Variants in LMO2 observed in about 807,000 individuals in gnomAD.
The protein encoded by LMO2 is rhombotin-2.
A neutral mutation model predicts 23.2 loss-of-function variants in LMO2; 20 were observed. The observed-to-expected ratio is 0.86, with a 90% CI of 0.61 to 1.25. The LOEUF is 1.25. Among genes scored for constraint, LMO2 ranks in the 50% most tolerant of loss-of-function variants. LMO2 has a pLI of 0.00. For synonymous variants in LMO2, 123 were observed against 130.2 expected, an observed-to-expected ratio of 0.94 and a Z score of 0.38; for missense variants, 270 against 315.3, an observed-to-expected ratio of 0.86 and a Z score of 1.09.
chr11:33,879,267 G>A (rs1241899952), intron 2 of LMO2, among the ~76,000 whole-genome samples: 1 of 152,002 alleles, frequency 6.6e-6, no homozygotes, highest in Admixed American at 6.6e-5. Flanking sequence ...GAGTGAAAGG[G>A]CAACCCACAG....
Position 33,858,663 on chromosome 11 carries a change from T to G in LMO2, c.*693A>C, listed in dbSNP as rs536076501. On this transcript the variant is annotated 3_prime_UTR_variant, in exon 6 of 6. Transcript: ENST00000257818. ...TTTGATATAATCTAGGATAATAAAATAGTTGAACAACTTTTTAAGATTTAT... is the reference window on the plus strand; with the variant it reads ...TTTGATATAATCTAGGATAATAAAAGAGTTGAACAACTTTTTAAGATTTAT... 4.3e-5 allele frequency: 8 copies of G among 187,914 alleles called. No individual in the cohort carries two copies. The East Asian group carries it at 6.9e-4, about 16-fold the overall frequency. The allele number at this position is 187,914 out of a possible 1,614,324, so 11.6% of individuals were successfully genotyped here.
rs1397801148 is a variant in LMO2, at chr11:33,869,608, A to C, written c.8-22T>G. The C allele has an allele frequency of 4.8e-5, 61 of 1,272,404 alleles. 1 individual carries two copies. The highest frequency in any genetic ancestry group is 2.6e-4 in the Admixed American group (6 of 23,190). 78.8% of individuals were successfully genotyped at this position (1,272,404 alleles called of 1,614,324 possible). The stretch of plus-strand genomic sequence containing the variant: ...CTCCCTTCAAACGCCAAAGAGAGAG[A>C]GCGAATCACCGGGCTGCGGGCGCGC... On this transcript the variant is annotated intron_variant, in intron 3 of 5. Coordinates refer to ENST00000257818, the MANE Select transcript of LMO2 (RefSeq NM_005574.4).
chr11:33,866,299 TCTTTGGAACAAGAAAATGGGAAG>T (rs1375784478), intron 4 of LMO2, among the ~76,000 whole-genome samples: 2 of 152,178 alleles, frequency 1.3e-5, no homozygotes, highest in African/African-American at 4.8e-5. Context: ...GAGACTATCA[TCTTTGGAACAAGAAAATGGGAAG>T]CTCAAGTTAG....
chr11:33,864,756 G>C lies in LMO2; in HGVS notation c.310C>G (p.Gln104Glu). The change falls in exon 5 of 6, where the codon CAG (glutamine) becomes GAG (glutamate). Residue 104 changes from glutamine to glutamate, a missense_variant. Physicochemically the swap from Gln to Glu is conservative, Grantham distance 29. Around this residue, in one of 2 missense-constraint regions of LMO2, gnomAD observed 170 missense variants for 162.0 expected, o/e 1.05. Transcript: ENST00000257818. This position sits in a 1 kb window ranked among gnomAD's most constrained non-coding sequence, Gnocchi z 4.8. ...PSLLTCGGCQ[Q>E]NIGDRYFLKA... ...AGGAAGTAGCGGTCCCCAATGTTCT[G>C]CTGGCAGCCGCCGCATGTCAGCAGG... 1 of 1,613,940 alleles carries C rather than the reference G, an allele frequency of 6.2e-7. No homozygotes were observed. Among genetic ancestry groups the C allele is most frequent in the Non-Finnish European group, 8.5e-7 (1 of 1,180,008 alleles).
At chr11:33,891,674 C>T (rs1217926245) in intron 1 of LMO2, 121 bp downstream of exon 1, 1 of 152,146 alleles carries the variant, frequency 6.6e-6, no homozygotes, top group Non-Finnish European at 1.5e-5. Flanking sequence ...AGACTTGTAC[C>T]CCTTTGGAGT....
intron 5 of LMO2, among the ~76,000 whole-genome samples, chr11:33,862,191 G>A (rs1260336113): frequency 6.6e-6 from 1 of 152,174 alleles, no homozygotes; most frequent in Admixed American, 6.5e-5. Flanking sequence ...TGTATCCTCA[G>A]GCAAAGTCCC....
At chr11:33,891,498 T>G (rs1857551995) in intron 1 of LMO2, among the ~76,000 whole-genome samples, 1 of 151,716 alleles carries the variant, frequency 6.6e-6, no homozygotes, top group African/African-American at 2.4e-5. Context: ...CAGGAACAAA[T>G]TAGATGGGTA....
chr11:33,862,144 G>T (rs1038475174), intron 5 of LMO2, among the ~76,000 whole-genome samples: 4 of 152,198 alleles, frequency 2.6e-5, no homozygotes, highest in African/African-American at 9.7e-5. Flanking sequence ...AAGGCAGCAG[G>T]GGAGGCTGGA....
intron 4 of LMO2, among the ~76,000 whole-genome samples, chr11:33,868,776 C>T (rs1191024579): frequency 2.0e-5 from 3 of 152,232 alleles, no homozygotes; most frequent in African/African-American, 7.2e-5. Context: ...CCGGATTTCG[C>T]TGCTCTAGAA....
At chr11:33,886,580 A>T (rs1476054272) in intron 1 of LMO2, among the ~76,000 whole-genome samples, 1 of 152,198 alleles carries the variant, frequency 6.6e-6, no homozygotes, top group Non-Finnish European at 1.5e-5. Flanking sequence ...TAAAAAACCT[A>T]AAGGTTTCAC....
In LMO2 at chr11:33,864,726, C is replaced by T. The variant is rs758372857; in HGVS notation, c.340G>A (p.Ala114Thr). The change falls in exon 5 of 6, where the codon GCC becomes ACC. Residue 114 changes from alanine to threonine, a missense_variant. Around this residue, in one of 2 missense-constraint regions of LMO2, gnomAD observed 170 missense variants for 162.0 expected, o/e 1.05. Transcript: ENST00000257818. This position sits in a 1 kb window ranked among gnomAD's most constrained non-coding sequence, Gnocchi z 4.8. ...QNIGDRYFLK[A>T]IDQYWHEDCL... ...TCCTCGTGCCAGTACTGGTCGATGG[C>T]CTTCAGGAAGTAGCGGTCCCCAATG... 1 of 1,614,042 alleles carries T rather than the reference C, an allele frequency of 6.2e-7. No homozygotes were observed. Among genetic ancestry groups the T allele is most frequent in the East Asian group, 2.2e-5 (1 of 44,882 alleles).
At chr11:33,886,654 G>T (rs1565037871) in intron 1 of LMO2, among the ~76,000 whole-genome samples, 1 of 152,156 alleles carries the variant, frequency 6.6e-6, no homozygotes, top group Non-Finnish European at 1.5e-5. Flanking sequence ...TAATGACAGG[G>T]GCATCTGTAT....
At chr11:33,875,404 C>A (rs1857113189) in intron 2 of LMO2, among the ~76,000 whole-genome samples, 1 of 151,826 alleles carries the variant, frequency 6.6e-6, no homozygotes, top group Non-Finnish European at 1.5e-5. Context: ...GTGATGAAAC[C>A]CTATCTCTAC....
At position 33,880,162 on chromosome 11, in the gene LMO2, CAT is replaced by C. The variant is rs71037313; in HGVS notation, c.-272+1660_-272+1661del. 0.39 allele frequency among the ~76,000 whole-genome samples: 8,683 copies of C among 22,438 alleles called. 2,583 individuals carry two copies. Among genetic ancestry groups the C allele is most frequent in the South Asian group, 0.61 (338 of 552 alleles). 14.7% of individuals were successfully genotyped at this position (22,438 alleles called of 152,430 possible). On this transcript the variant is annotated intron_variant, in intron 2 of 5. Transcript: ENST00000257818. The surrounding 1 kb of genome is among the most constrained non-coding windows in gnomAD (Gnocchi z 4.3). Reference sequence around the variant, plus strand: ...ACTATTTTATGTGTACATATATATACATATGATATATACACATGATATATATA... The same window carrying C: ...ACTATTTTATGTGTACATATATATACATGATATATACACATGATATATATA...
chr11:33,870,278 G>T, intron 2 of LMO2: 1 of 854,438 alleles, frequency 1.2e-6, no homozygotes, highest in Non-Finnish European at 1.4e-6. Flanking sequence ...GTTTAACTAA[G>T]GCAGAAAGTA....
chr11:33,879,570 T>G (rs1270888644), intron 2 of LMO2, among the ~76,000 whole-genome samples: 2 of 151,714 alleles, frequency 1.3e-5, no homozygotes, highest in Non-Finnish European at 2.9e-5. Flanking sequence ...GAGACAGAGG[T>G]TGCAGTGAGC....
chr11:33,869,499 C>T lies in LMO2; in HGVS notation c.95G>A (p.Gly32Asp), dbSNP rs1423684038. 1.7e-6 allele frequency: 2 copies of T among 1,200,814 alleles called. No individual in the cohort carries two copies. Among genetic ancestry groups the T allele is most frequent in the Non-Finnish European group, 1.0e-6 (1 of 963,874 alleles). The allele number at this position is 1,200,814 out of a possible 1,614,324, so 74.4% of individuals were successfully genotyped here. A position where few individuals can be genotyped will look rare whatever the true frequency, so the allele number is the denominator to read the frequency against. Residue 32 changes from glycine to aspartate, a missense_variant, in exon 4 of 6, where the codon GGC (glycine) becomes GAC (aspartate). By Grantham distance (94) the Gly-to-Asp change is moderately conservative. Transcript: ENST00000257818. ...SKRRRRSGGD[G>D]GGGGGARAPE... ...TGCTCGGGCGCCGCCGCCGCCGCCGCCGTCGCCGCCGCTCCTGCGCCTCCG... is the reference window on the plus strand; with the variant it reads ...TGCTCGGGCGCCGCCGCCGCCGCCGTCGTCGCCGCCGCTCCTGCGCCTCCG...
chr11:33,872,183 C>T (rs1442952978), intron 2 of LMO2, among the ~76,000 whole-genome samples: 4 of 152,082 alleles, frequency 2.6e-5, no homozygotes, highest in African/African-American at 9.7e-5. Flanking sequence ...CCCAGCTACT[C>T]GGGAGGCTGA....
Position 33,890,145 on chromosome 11 carries a change from T to TG in LMO2, c.-336+1649dup, listed in dbSNP as rs150033870. 6.6e-5 allele frequency among the ~76,000 whole-genome samples: 10 copies of TG among 151,516 alleles called. No homozygotes were observed. The East Asian group carries it at 1.5e-3, about 23-fold the overall frequency. On this transcript the variant is annotated intron_variant, in intron 1 of 5. Transcript: ENST00000257818. ...AATATACACTGGAGACTCAGAAGGG[T>TG]GGGGGGAGGATGATGAGAAATTAAT...
Sources: gnomAD v4.1 joint callset for allele counts (sites outside exome capture counted in the v4.1 genomes callset) on GRCh38, gnomAD v4.1.1 for gene constraint, gnomAD v4.1.1 regional missense constraint, Gnocchi (gnomAD v3.1) non-coding constraint, MANE v1.5 for transcripts, NCBI Gene and HGNC (gene_info 2026-07-23, HGNC 2026-07-21) for gene names.